The following SAMD5 variants were observed in gnomAD, a reference collection of about 807,000 sequenced individuals.
SAMD5 encodes sterile alpha motif domain containing 5.
A neutral mutation model predicts 11.3 loss-of-function variants in SAMD5; 13 were observed. That is an observed-to-expected ratio of 1.15 (90% confidence interval 0.75 to 1.83). The LOEUF (loss-of-function observed/expected upper bound fraction) is 1.83. SAMD5 is among the 40% of genes most tolerant of loss of function. The probability of loss-of-function intolerance (pLI) is 0.00; values close to 1 mark genes in which losing one functional copy is unlikely to be tolerated. For missense variants in SAMD5, 255 were observed against 239.1 expected (o/e 1.07, Z -0.44); for synonymous variants, 129 against 111.3 (o/e 1.16, Z -1.00).
At chr6:147,738,615 A>C (rs374701937), downstream of SAMD5, among the ~76,000 whole-genome samples, 2 of 152,192 alleles carry the variant, frequency 1.3e-5, no homozygotes. Flanking sequence ...TTTTCATAGC[A>C]GAGGGTGGAG....
chr6:147,611,934 C>T (rs58433361), intron 1 of SAMD5, among the ~76,000 whole-genome samples: 6,670 of 152,270 alleles, frequency 0.044, 227 homozygotes, highest in Admixed American at 0.097. Context: ...ATTATCTTCC[C>T]AACACCTGAG....
chr6:147,601,895 T>TGC (rs1312276065), intron 1 of SAMD5, among the ~76,000 whole-genome samples: 3 of 152,168 alleles, frequency 2.0e-5, no homozygotes, highest in African/African-American at 7.2e-5. Flanking sequence ...GTGTTCATAT[T>TGC]TCGTGAAAGC....
intron 1 of SAMD5, among the ~76,000 whole-genome samples, chr6:147,631,287 A>C (rs1461970091): frequency 6.6e-6 from 1 of 152,234 alleles, no homozygotes; most frequent in Non-Finnish European, 1.5e-5. Flanking sequence ...AACAGGTATT[A>C]AAGGACTAAG....
chr6:147,754,021 A>G, the SAMD5 span, among the ~76,000 whole-genome samples: 1 of 152,128 alleles, frequency 6.6e-6, no homozygotes, highest in African/African-American at 2.4e-5. Flanking sequence ...GAAAATATAG[A>G]TGTCTCTCCG....
the SAMD5 span, among the ~76,000 whole-genome samples, chr6:147,912,653 A>G: frequency 3.3e-5 from 5 of 152,200 alleles, no homozygotes; most frequent in South Asian, 6.2e-4. Flanking sequence ...TAACTTTGCA[A>G]TATTGGAAAC....
chr6:147,529,305 T>A lies in SAMD5; in HGVS notation c.459+19918T>A, dbSNP rs142148749. On this transcript the variant is annotated intron_variant, in intron 1 of 1. Transcript: ENST00000367474. ...TTTTAAAATATTATAAATATTGTTC[T>A]TCTAACCTTATCAATTAAGACATAG... Among the ~76,000 whole-genome samples, 248 of 152,318 alleles carry A rather than the reference T, an allele frequency of 1.6e-3. 1 individual carries two copies. Among genetic ancestry groups the A allele is most frequent in the African/African-American group, 5.6e-3 (231 of 41,566 alleles).
chr6:147,894,477 A>G, the SAMD5 span, among the ~76,000 whole-genome samples: 4 of 151,978 alleles, frequency 2.6e-5, no homozygotes, highest in Admixed American at 6.6e-5. Context: ...TAAGTTCCCA[A>G]TCTGCCCAGT....
At chr6:147,914,426 G>A in the SAMD5 span, among the ~76,000 whole-genome samples, 1 of 152,078 alleles carries the variant, frequency 6.6e-6, no homozygotes, top group African/African-American at 2.4e-5. Flanking sequence ...AATTTGAGTA[G>A]CAAAAGAATT....
chr6:147,926,413 G>C, the SAMD5 span, among the ~76,000 whole-genome samples: 2 of 152,078 alleles, frequency 1.3e-5, no homozygotes, highest in East Asian at 1.9e-4. Context: ...TTGTGGTTTT[G>C]ATTTGCATTT....
intron 1 of SAMD5, among the ~76,000 whole-genome samples, chr6:147,735,734 G>C (rs899362536): frequency 6.6e-6 from 1 of 151,810 alleles, no homozygotes; most frequent in Admixed American, 6.6e-5. Flanking sequence ...GCAGTTATCT[G>C]TAAATCCAGA....
chr6:147,628,812 G>T (rs751290120), intron 1 of SAMD5, among the ~76,000 whole-genome samples: 1 of 152,100 alleles, frequency 6.6e-6, no homozygotes, highest in Non-Finnish European at 1.5e-5. Context: ...CAAATCACTG[G>T]TCTATGTGAT....
intron 1 of SAMD5, among the ~76,000 whole-genome samples, chr6:147,590,199 C>T (rs1789432992): frequency 1.3e-5 from 2 of 152,284 alleles, no homozygotes; most frequent in Non-Finnish European, 2.9e-5. Flanking sequence ...GATGGTTTAA[C>T]AGTCCTAAAT....
chr6:147,944,357 C>T, the SAMD5 span, among the ~76,000 whole-genome samples: 4 of 152,194 alleles, frequency 2.6e-5, no homozygotes, highest in Admixed American at 6.5e-5. Flanking sequence ...GAGCAAGTCA[C>T]CTCTTACACG....
chr6:147,720,164 A>C (rs552911541), intron 1 of SAMD5, among the ~76,000 whole-genome samples: 1 of 152,300 alleles, frequency 6.6e-6, no homozygotes, highest in South Asian at 2.1e-4. Context: ...AGGATCAGTG[A>C]CACCAATGGA....
the SAMD5 span, among the ~76,000 whole-genome samples, chr6:147,855,694 A>G: frequency 2.0e-5 from 3 of 152,184 alleles, no homozygotes; most frequent in Admixed American, 6.6e-5. Context: ...AAAAAATAAA[A>G]GAACCCAGAA....
chr6:147,640,256 G>A (rs1159996045), intron 1 of SAMD5, among the ~76,000 whole-genome samples: 1 of 151,518 alleles, frequency 6.6e-6, no homozygotes, highest in East Asian at 1.9e-4. Context: ...AACCCGGGAG[G>A]TGAAGGTTGC....
At chr6:147,884,726 A>G in the SAMD5 span, among the ~76,000 whole-genome samples, 39 of 152,200 alleles carry the variant, frequency 2.6e-4, no homozygotes, top group African/African-American at 9.4e-4. Flanking sequence ...ATTATTTTAT[A>G]TTAGATGTGC....
the SAMD5 span, among the ~76,000 whole-genome samples, chr6:147,861,635 T>C: frequency 7.2e-5 from 11 of 152,192 alleles, no homozygotes; most frequent in African/African-American, 2.2e-4. Context: ...AGGAACACTT[T>C]TTCTATTACC....
chr6:147,548,874 G>C (rs943878909), intron 1 of SAMD5, among the ~76,000 whole-genome samples: 1 of 151,994 alleles, frequency 6.6e-6, no homozygotes, highest in Non-Finnish European at 1.5e-5. Flanking sequence ...TTCTTGCATT[G>C]CCCCTCCCTG....
Sources: allele counts gnomAD v4.1 joint callset (sites outside exome capture counted in the v4.1 genomes callset), GRCh38; gene constraint gnomAD v4.1.1; transcripts MANE v1.5; gene names NCBI Gene and HGNC (gene_info 2026-07-23, HGNC 2026-07-21).